The following RANBP2 variants were observed in gnomAD, a reference collection of about 807,000 sequenced individuals.
RANBP2 encodes the protein RAN binding protein 2, also known as E3 SUMO-protein ligase RanBP2.
RANBP2 carries 57 observed loss-of-function variants against 303.6 expected under a neutral mutation model. That is an observed-to-expected ratio of 0.19 (90% CI 0.15 to 0.23). The LOEUF (loss-of-function observed/expected upper bound fraction) is 0.23, where lower values mean the gene tolerates loss of function less well. RANBP2 is among the 10% of genes least tolerant of loss of function. The probability of loss-of-function intolerance (pLI) is 1.00; values close to 1 mark genes in which losing one functional copy is unlikely to be tolerated. For missense variants in RANBP2, 3,138 were observed against 3,780.8 expected, an observed-to-expected ratio of 0.83 and a Z score of 4.46; for synonymous variants, 1,167 against 1,301.5, an observed-to-expected ratio of 0.90 and a Z score of 2.23.
chr2:109,540,158 C>A, the RANBP2 span, among the ~76,000 whole-genome samples: 1 of 152,146 alleles, frequency 6.6e-6, no homozygotes, highest in South Asian at 2.1e-4. Flanking sequence ...AGAACATAAT[C>A]TTTCATTCCT....
chr2:108,818,661 G>T, the RANBP2 span, among the ~76,000 whole-genome samples: 1 of 152,060 alleles, frequency 6.6e-6, no homozygotes, highest in African/African-American at 2.4e-5. Flanking sequence ...TGTAAAATTT[G>T]TAATTTTAAA....
At chr2:109,335,450 C>T in the RANBP2 span, among the ~76,000 whole-genome samples, 1 of 152,198 alleles carries the variant, frequency 6.6e-6, no homozygotes, top group Non-Finnish European at 1.5e-5. Context: ...TCCTCTCTGC[C>T]CCTCAGGGCT....
At chr2:109,225,244 G>A in the RANBP2 span, among the ~76,000 whole-genome samples, 1 of 152,138 alleles carries the variant, frequency 6.6e-6, no homozygotes, top group African/African-American at 2.4e-5. Flanking sequence ...TTTTAATAAC[G>A]ATAATAATAA....
At chr2:109,297,671 T>C in the RANBP2 span, among the ~76,000 whole-genome samples, 939 of 147,944 alleles carry the variant, frequency 6.3e-3, 10 homozygotes, top group African/African-American at 0.022. Context: ...CCCTGGTCAG[T>C]GCCTTCCACT....
chr2:109,235,857 C>T, the RANBP2 span, among the ~76,000 whole-genome samples: 5 of 152,196 alleles, frequency 3.3e-5, no homozygotes, highest in African/African-American at 9.7e-5. Flanking sequence ...CTGATAAAAC[C>T]TCTTAACCCT....
the RANBP2 span, among the ~76,000 whole-genome samples, chr2:109,037,801 A>G: frequency 6.6e-6 from 1 of 152,248 alleles, no homozygotes; most frequent in African/African-American, 2.4e-5. Context: ...GAAAGAAATA[A>G]AAGAGGATTT....
chr2:108,890,452 C>T, the RANBP2 span, among the ~76,000 whole-genome samples: 2 of 151,956 alleles, frequency 1.3e-5, no homozygotes, highest in African/African-American at 2.4e-5. Context: ...GCCATGTTGC[C>T]CAGGCTGGTC....
chr2:109,343,745 T>A, the RANBP2 span, among the ~76,000 whole-genome samples: 2 of 61,106 alleles, frequency 3.3e-5, no homozygotes, highest in African/African-American at 1.0e-4. Flanking sequence ...CCTGGTTTCC[T>A]TTTTTTTTTT....
the RANBP2 span, among the ~76,000 whole-genome samples, chr2:109,331,256 C>A: frequency 6.6e-6 from 1 of 152,134 alleles, no homozygotes; most frequent in Admixed American, 6.5e-5. Context: ...ACCCGCCTGT[C>A]CCGCAGGGCT....
chr2:108,973,777 G>A, the RANBP2 span, among the ~76,000 whole-genome samples: 5 of 152,126 alleles, frequency 3.3e-5, no homozygotes, highest in Admixed American at 1.3e-4. Context: ...TCACAATAAC[G>A]AAAACATCAT....
the RANBP2 span, chr2:108,878,404 A>G: frequency 9.3e-6 from 2 of 215,412 alleles, no homozygotes; most frequent in South Asian, 8.1e-5. Context: ...GAAAACTGAT[A>G]ATAAAATCAG....
chr2:109,399,023 T>C, the RANBP2 span: 1 of 1,412,618 alleles, frequency 7.1e-7, no homozygotes, highest in Non-Finnish European at 9.5e-7. Flanking sequence ...TGTCCCCCGT[T>C]CCTCAACTAG....
At position 108,735,710 on chromosome 2, in the gene RANBP2, T is replaced by C; in HGVS notation, c.584T>C (p.Ile195Thr). Residue 195 changes from isoleucine (I) to threonine (T), a missense_variant, in exon 5 of 29, where the codon ATA (isoleucine) becomes ACA (threonine). This residue lies in a region of RANBP2 where 306 missense variants were observed against 381.9 expected (regional missense o/e 0.80). Transcript: ENST00000283195. ...CACTGCCATGAGGCAGAGAGGAACA[T>C]AGCTTTGCGTTCAAGTTTAGAATGG... The part of the protein sequence containing the change: ...VAHCHEAERN[I>T]ALRSSLEWNS... The C allele has an allele frequency of 1.3e-6, 2 of 1,597,608 alleles. No homozygotes were observed. Among genetic ancestry groups the C allele is most frequent in the Non-Finnish European group, 1.7e-6 (2 of 1,179,784 alleles).
chr2:108,775,090 C>T (rs1224771159), intron 23 of RANBP2, among the ~76,000 whole-genome samples: 1 of 152,136 alleles, frequency 6.6e-6, no homozygotes, highest in Admixed American at 6.6e-5. Flanking sequence ...CTAAGCACTT[C>T]CTAGCTGCAA....
the RANBP2 span, among the ~76,000 whole-genome samples, chr2:109,158,756 G>C: frequency 6.6e-6 from 1 of 152,226 alleles, no homozygotes; most frequent in Non-Finnish European, 1.5e-5. Flanking sequence ...AAGTTGCTAA[G>C]TGTTTCTTTC....
At chr2:109,728,242 A>G in the RANBP2 span, among the ~76,000 whole-genome samples, 2 of 152,078 alleles carry the variant, frequency 1.3e-5, no homozygotes, top group Non-Finnish European at 2.9e-5. Context: ...TGGCTTCTTC[A>G]GGCCCAGTCA....
chr2:109,674,099 G>A, the RANBP2 span, among the ~76,000 whole-genome samples: 1 of 151,938 alleles, frequency 6.6e-6, no homozygotes, highest in Non-Finnish European at 1.5e-5. Flanking sequence ...GTATTATGTT[G>A]CAAATACCTT....
At chr2:109,728,059 C>T in the RANBP2 span, among the ~76,000 whole-genome samples, 1 of 152,254 alleles carries the variant, frequency 6.6e-6, no homozygotes, top group Non-Finnish European at 1.5e-5. Context: ...GCGAGTATGT[C>T]TTACTCTTTA....
the RANBP2 span, among the ~76,000 whole-genome samples, chr2:109,701,551 G>A: frequency 6.6e-6 from 1 of 152,092 alleles, no homozygotes; most frequent in Non-Finnish European, 1.5e-5. Flanking sequence ...CACTGAATAC[G>A]CAATTTAGTC....
Sources: gnomAD v4.1 joint callset for allele counts (sites outside exome capture counted in the v4.1 genomes callset) on GRCh38, gnomAD v4.1.1 for gene constraint, gnomAD v4.1.1 regional missense constraint, MANE v1.5 for transcripts, NCBI Gene and HGNC (gene_info 2026-07-23, HGNC 2026-07-21) for gene names.